ZP3: variants seen among roughly 807,000 people sequenced by gnomAD.
ZP3 encodes zona pellucida glycoprotein 3, also known as zona pellucida sperm-binding protein 3.
ZP3 carries 21 observed loss-of-function variants against 35.6 expected under a neutral mutation model. The ratio of observed to expected loss-of-function variants is 0.59; its 90% CI spans 0.42 to 0.85. The LOEUF (loss-of-function observed/expected upper bound fraction) is 0.85. Among genes scored for constraint, ZP3 ranks in the 40% least tolerant of loss-of-function variants. The pLI is 0.00. For missense variants in ZP3, 437 were observed against 536.5 expected, an observed-to-expected ratio of 0.81 and a Z score of 1.83; for synonymous variants, 207 against 214.5, an observed-to-expected ratio of 0.96 and a Z score of 0.31.
At chr7:76,440,705 C>A (rs182395566) in intron 7 of ZP3, 94 bp downstream of exon 7, 158 of 1,530,414 alleles carry the variant, frequency 1.0e-4, no homozygotes, top group Middle Eastern at 2.1e-4. Flanking sequence ...TTCCCTTGTC[C>A]TCCATTAAAA....
upstream of ZP3, among the ~76,000 whole-genome samples, chr7:76,420,289 T>A (rs1420303023): frequency 6.6e-6 from 1 of 152,160 alleles, no homozygotes; most frequent in Non-Finnish European, 1.5e-5. Flanking sequence ...AATCGTGTGC[T>A]GGGATTATAG....
chr7:76,432,918 TTC>T lies in ZP3; in HGVS notation c.432-4_432-3del, dbSNP rs763586663. 8.6e-5 allele frequency: 138 copies of T among 1,613,268 alleles called. No homozygotes were observed. The highest frequency in any genetic ancestry group is 8.9e-5 in the Non-Finnish European group (105 of 1,179,656). On this transcript the variant is annotated splice_polypyrimidine_tract_variant and splice_region_variant and intron_variant, in intron 2 of 7. Coordinates refer to ENST00000394857, the MANE Select transcript of ZP3 (RefSeq NM_001110354.2). ...AGGCAGGTGTGCACAGCTGCTGTTC[TTC>T]TCTCAGGCAGGGCAATGTGAGCAGC...
rs561005093 is a variant in ZP3 at position 76,398,594 on chromosome 7, C to T, written c.-67+797C>T. ...TGCTGGGATTACAGGTGTGAGCCAC[C>T]ATGCCCAGCCATTTTCTCTAACTTT... On this transcript the variant is annotated intron_variant, in intron 1 of 8. Coordinates refer to the ZP3 transcript ENST00000336517. 75 of 1,102,716 alleles carry T rather than the reference C, an allele frequency of 6.8e-5. 1 individual carries two copies. The highest frequency in any genetic ancestry group is 5.8e-4 in the Admixed American group (31 of 53,534). 68.3% of individuals were successfully genotyped at this position (1,102,716 alleles called of 1,614,324 possible).
At chr7:76,441,022 T>A (rs1049981168) in intron 7 of ZP3, among the ~76,000 whole-genome samples, 1 of 151,034 alleles carries the variant, frequency 6.6e-6, no homozygotes, top group African/African-American at 2.4e-5. Context: ...AAATAAAAAA[T>A]TAGCTGGGCG....
chr7:76,427,815 A>T (rs894835647), intron 1 of ZP3, among the ~76,000 whole-genome samples: 5 of 152,086 alleles, frequency 3.3e-5, no homozygotes, highest in Non-Finnish European at 5.9e-5. Flanking sequence ...AATAGCTGGG[A>T]TGGACTACAG....
At position 76,429,178 on chromosome 7, in the gene ZP3, C is replaced by T. The variant is rs919457928; in HGVS notation, c.313-337C>T. On this transcript the variant is annotated intron_variant, in intron 1 of 7. Transcript: ENST00000394857. The stretch of plus-strand genomic sequence containing the variant: ...GTATCTGCCATGTGGTTGATCCAGT[C>T]TGCCTGTGGTGGTGTCAATATGTGG... The T allele has an allele frequency of 5.1e-4, 154 of 299,768 alleles. 1 individual carries two copies. The highest frequency in any genetic ancestry group is 9.9e-5 in the Non-Finnish European group (15 of 151,714). The allele number at this position is 299,768 out of a possible 1,614,324, so 18.6% of individuals were successfully genotyped here.
At chr7:76,437,171 C>CCTT (rs1309249760) in intron 5 of ZP3, among the ~76,000 whole-genome samples, 8 of 78,716 alleles carry the variant, frequency 1.0e-4, no homozygotes, top group African/African-American at 4.1e-4. Context: ...ACCCTGTGTA[C>CCTT]TTTTTTTTTT....
intron 1 of ZP3, among the ~76,000 whole-genome samples, chr7:76,406,224 C>G (rs559242323): frequency 6.6e-6 from 1 of 152,054 alleles, no homozygotes; most frequent in Non-Finnish European, 1.5e-5. Flanking sequence ...GTGATCCACG[C>G]GCCTCAGCCT....
At chr7:76,438,668 G>A (rs1301633485) in intron 5 of ZP3, among the ~76,000 whole-genome samples, 3 of 146,754 alleles carry the variant, frequency 2.0e-5, no homozygotes, top group African/African-American at 5.3e-5. Flanking sequence ...CTTGTCTAAC[G>A]AGGGTGGGTA....
In ZP3 at chr7:76,425,044, T is replaced by G. The variant is rs1052593153; in HGVS notation, c.80T>G (p.Leu27Arg). 6.2e-7 allele frequency: 1 copy of G among 1,606,934 alleles called. No homozygotes were observed. Residue 27 changes from leucine (L) to arginine (R), a missense_variant, in exon 1 of 8, where the codon CTC becomes CGC. Transcript: ENST00000394857. ...CTGTGCTACCCCCAACCCCTCTGGC[T>G]CTTGCAGGGTGGAGCCAGCCATCCT... ...TELCYPQPLW[L>R]LQGGASHPET...
In ZP3 at chr7:76,432,894, G is replaced by A. The variant is rs758741778; in HGVS notation, c.432-33G>A. 7.0e-6 allele frequency: 11 copies of A among 1,580,456 alleles called. No homozygotes were observed. The Admixed American group carries it at 1.8e-4, about 27-fold the overall frequency. On this transcript the variant is annotated intron_variant, in intron 2 of 7. Transcript: ENST00000394857. ...GGGGGCCCAGGTGGGTGTGACCTGAGGCAGGTGTGCACAGCTGCTGTTCTT... is the reference window on the plus strand; with the variant it reads ...GGGGGCCCAGGTGGGTGTGACCTGAAGCAGGTGTGCACAGCTGCTGTTCTT...
At chr7:76,412,782 G>T (rs1362928717) in intron 1 of ZP3, among the ~76,000 whole-genome samples, 1 of 151,460 alleles carries the variant, frequency 6.6e-6, no homozygotes, top group African/African-American at 2.4e-5. Flanking sequence ...CCGGGAGGCG[G>T]AAGTTGCAGT....
intron 1 of ZP3, among the ~76,000 whole-genome samples, chr7:76,418,198 G>A (rs1395010712): frequency 6.6e-6 from 1 of 151,874 alleles, no homozygotes; most frequent in East Asian, 1.9e-4. Flanking sequence ...CAAAGTGCTT[G>A]GATTATAGAT....
chr7:76,434,973 AATGG>A (rs1414989750), intron 5 of ZP3, among the ~76,000 whole-genome samples: 1 of 152,160 alleles, frequency 6.6e-6, no homozygotes, highest in African/African-American at 2.4e-5. Flanking sequence ...GGAACTGCCT[AATGG>A]CTGAGGTGGG....
chr7:76,423,023 GAGAGAAAGAA>G (rs1189197648), upstream of ZP3, among the ~76,000 whole-genome samples: 651 of 98,838 alleles, frequency 6.6e-3, 5 homozygotes, highest in East Asian at 8.4e-3. Context: ...GAGAGAGAGA[GAGAGAAAGAA>G]AGAAAGAAAG....
At chr7:76,405,339 C>CTTTCTTTTTT (rs1271510975) in intron 1 of ZP3, among the ~76,000 whole-genome samples, 3 of 21,394 alleles carry the variant, frequency 1.4e-4, no homozygotes, top group African/African-American at 2.1e-4. Context: ...TTCTTTCTTT[C>CTTTCTTTTTT]TTTTTTTTTT....
intron 1 of ZP3, chr7:76,409,510 A>G (rs1482520153): frequency 6.6e-6 from 1 of 152,298 alleles, no homozygotes; most frequent in Non-Finnish European, 1.5e-5. Flanking sequence ...AGGAGGAAGG[A>G]TCTTCCAAAT....
intron 5 of ZP3, among the ~76,000 whole-genome samples, chr7:76,435,655 T>A (rs1425203670): frequency 6.6e-6 from 1 of 152,216 alleles, no homozygotes; most frequent in Admixed American, 6.5e-5. Context: ...TTTGTAACAT[T>A]AACTAAATCT....
chr7:76,423,063 G>GAAACAAAC (rs1563695576), upstream of ZP3, among the ~76,000 whole-genome samples: 1 of 145,864 alleles, frequency 6.9e-6, no homozygotes, highest in African/African-American at 2.6e-5. Context: ...AAGAAAGAAA[G>GAAACAAAC]AAAGAAAGAA....
Sources: allele counts gnomAD v4.1 joint callset (sites outside exome capture counted in the v4.1 genomes callset), GRCh38; gene constraint gnomAD v4.1.1; transcripts MANE v1.5; gene names NCBI Gene and HGNC (gene_info 2026-07-23, HGNC 2026-07-21).